Variants in ZNF337 observed in about 807,000 individuals in gnomAD.
ZNF337 encodes zinc finger protein 337.
Under a neutral mutation model 12.1 loss-of-function variants are expected in ZNF337, and 8 were observed. The observed-to-expected ratio is 0.66, with a 90% CI of 0.39 to 1.19. The LOEUF is 1.19. Ranked by LOEUF, ZNF337 falls within the 50% of genes most tolerant of loss-of-function variation. ZNF337 has a pLI of 0.01. For missense variants in ZNF337, 882 were observed against 896.6 expected, an observed-to-expected ratio of 0.98 and a Z score of 0.21; for synonymous variants, 336 against 320.0, an observed-to-expected ratio of 1.05 and a Z score of -0.53.
chr20:25,691,834 TACC>T (rs1461147208), intron 1 of ZNF337, among the ~76,000 whole-genome samples: 1 of 152,220 alleles, frequency 6.6e-6, no homozygotes, highest in Non-Finnish European at 1.5e-5. Context: ...TTTTCTAAAT[TACC>T]AGTTATGGTG....
rs77438555 is a variant in ZNF337 at position 25,673,820 on chromosome 20, C to G, written c.*1212G>C. 6.6e-6 allele frequency: 1 copy of G among 152,148 alleles called. No homozygotes were observed. Among genetic ancestry groups the G allele is most frequent in the African/African-American group, 2.4e-5 (1 of 41,438 alleles). The allele number at this position is 152,148 out of a possible 1,614,324, so 9.4% of individuals were successfully genotyped here. On this transcript the variant is annotated 3_prime_UTR_variant, in exon 5 of 5. Transcript: ENST00000252979. Reference sequence around the variant, plus strand: ...TCCTTCTGCAGGTGGTAATGCAGATCGGCGATAATCAGTCTACTCTGCTCT... The same window carrying G: ...TCCTTCTGCAGGTGGTAATGCAGATGGGCGATAATCAGTCTACTCTGCTCT...
intron 1 of ZNF337, among the ~76,000 whole-genome samples, chr20:25,692,927 C>G (rs1185744961): frequency 6.6e-6 from 1 of 152,178 alleles, no homozygotes; most frequent in African/African-American, 2.4e-5. Context: ...TCACTATATA[C>G]ATTTCTCAAA....
chr20:25,693,132 AG>A (rs1311206321), intron 1 of ZNF337, among the ~76,000 whole-genome samples: 8 of 152,200 alleles, frequency 5.3e-5, no homozygotes, highest in African/African-American at 1.9e-4. Flanking sequence ...GCTGTAGTGC[AG>A]TGGCATGTTC....
intron 1 of ZNF337, 87 bp downstream of exon 1, chr20:25,696,672 G>T: frequency 2.2e-6 from 2 of 899,440 alleles, no homozygotes; most frequent in Non-Finnish European, 2.7e-6. Context: ...GGCCCCAGCA[G>T]CGCCCTCACG....
chr20:25,681,266 GT>G (rs1005510810), intron 4 of ZNF337: 2 of 152,098 alleles, frequency 1.3e-5, no homozygotes, highest in African/African-American at 2.4e-5. Context: ...ATGATATTTC[GT>G]CATTTCTACG....
intron 4 of ZNF337, among the ~76,000 whole-genome samples, chr20:25,683,746 C>T (rs1405134984): frequency 6.6e-6 from 1 of 152,152 alleles, no homozygotes; most frequent in Non-Finnish European, 1.5e-5. Context: ...CACTTTTACA[C>T]TGTTGGTGGG....
Position 25,694,502 on chromosome 20 carries a change from T to C in ZNF337, c.-50+2257A>G, listed in dbSNP as rs556809529. On this transcript the variant is annotated intron_variant, in intron 1 of 4. Transcript: ENST00000252979. ...GGTTCTGCTGACAATTTTTCCATAA[T>C]GAAATGATTAAAATCAGTTATTTGG... 3.9e-5 allele frequency among the ~76,000 whole-genome samples: 6 copies of C among 152,236 alleles called. No homozygotes were observed. The South Asian group carries it at 1.0e-3, about 26-fold the overall frequency.
rs150993324 is a variant in ZNF337 at position 25,676,458 on chromosome 20, G to C, written c.830C>G (p.Ser277Ter). 6.2e-7 allele frequency: 1 copy of C among 1,613,784 alleles called. No individual in the cohort carries two copies. Among genetic ancestry groups the C allele is most frequent in the Non-Finnish European group, 8.5e-7 (1 of 1,179,964 alleles). ...KVCGRGYTSK[S>*]YLTVHERTHT... ...TGTTCTCTCATGCACAGTGAGGTAT[G>C]ACTTACTGGTATAGCCTCGTCCACA... is the stretch of plus-strand genomic sequence containing the variant. The change falls in exon 5 of 5, where the codon TCA (serine) becomes TGA (stop). Residue 277 changes from serine (S) to a stop codon, truncating the protein, a stop_gained. Coordinates refer to ENST00000252979, the MANE Select transcript of ZNF337 (RefSeq NM_015655.4). LOFTEE classifies it low-confidence loss of function (END_TRUNC).
chr20:25,695,337 T>C (rs112299642), intron 1 of ZNF337, among the ~76,000 whole-genome samples: 3,474 of 152,006 alleles, frequency 0.023, 122 homozygotes, highest in African/African-American at 0.079. Context: ...ATTCTGAGAG[T>C]TGCCAACTAA....
Position 25,686,081 on chromosome 20 carries a change from C to G in ZNF337, c.69G>C (p.Gln23His), listed in dbSNP as rs767266840. 6.2e-7 allele frequency: 1 copy of G among 1,613,962 alleles called. No individual in the cohort carries two copies. Among genetic ancestry groups the G allele is most frequent in the African/African-American group, 1.3e-5 (1 of 74,932 alleles). The change falls in exon 3 of 5, where the codon CAG (glutamine) becomes CAC (histidine). Residue 23 changes from glutamine (Q) to histidine (H), a missense_variant. Physicochemically the swap from Gln to His is conservative, Grantham distance 24 (BLOSUM62 0). Coordinates refer to ENST00000252979, the MANE Select transcript of ZNF337 (RefSeq NM_015655.4). ...AFGDVTVDFT[Q>H]KEWRLLSPAQ... Reference sequence around the variant, plus strand: ...CAGGGCTCAGCAGCCTCCATTCCTTCTGGGTGAAATCCACAGTGACATCCC... The same window carrying G: ...CAGGGCTCAGCAGCCTCCATTCCTTGTGGGTGAAATCCACAGTGACATCCC...
At chr20:25,683,375 G>A (rs1284521566) in intron 4 of ZNF337, among the ~76,000 whole-genome samples, 1 of 152,126 alleles carries the variant, frequency 6.6e-6, no homozygotes, top group South Asian at 2.1e-4. Context: ...GGGGGAAGGA[G>A]GAAGGTGAAG....
In ZNF337 at chr20:25,696,843, G is replaced by C. The variant is rs565610662; in HGVS notation, c.-134C>G. On this transcript the variant is annotated 5_prime_UTR_variant, in exon 1 of 5. Transcript: ENST00000252979. ...CGGCTCGCTGACGCCCAGGGATCTGGAACGCTCTGCGCCGCCCGGGACTAC... is the reference window on the plus strand; with the variant it reads ...CGGCTCGCTGACGCCCAGGGATCTGCAACGCTCTGCGCCGCCCGGGACTAC... The C allele has an allele frequency of 4.1e-6, 4 of 984,954 alleles. No individual in the cohort carries two copies. The East Asian group carries it at 3.4e-4, about 84-fold the overall frequency. The allele number at this position is 984,954 out of a possible 1,614,324, so 61.0% of individuals were successfully genotyped here.
At chr20:25,696,707 C>T (rs913660673) in intron 1 of ZNF337, 52 bp downstream of exon 1, 13 of 981,388 alleles carry the variant, frequency 1.3e-5, no homozygotes, top group Non-Finnish European at 1.3e-5. Flanking sequence ...GGCCCTTCTT[C>T]CTGCGCCGGA....
intron 4 of ZNF337, chr20:25,678,006 A>G (rs1355311958): frequency 6.6e-6 from 1 of 151,358 alleles, no homozygotes; most frequent in East Asian, 1.9e-4. Context: ...TACTTTCACC[A>G]CTCTTATTAC....
At chr20:25,677,200 G>GC in intron 4 of ZNF337, 163 bp from the exon 5 acceptor site, 2 of 648,298 alleles carry the variant, frequency 3.1e-6, no homozygotes, top group Non-Finnish European at 5.1e-6. Context: ...GCAGGGCAGG[G>GC]AGGAATTCTT....
chr20:25,689,771 G>A (rs996802254), intron 1 of ZNF337, among the ~76,000 whole-genome samples: 2 of 152,210 alleles, frequency 1.3e-5, no homozygotes, highest in South Asian at 2.1e-4. Context: ...AAATCTGGAT[G>A]AAGGCAACAT....
intron 1 of ZNF337, among the ~76,000 whole-genome samples, chr20:25,696,242 C>T (rs1446565189): frequency 5.9e-5 from 9 of 152,118 alleles, no homozygotes; most frequent in Non-Finnish European, 1.2e-4. Context: ...AAGTCCTCCC[C>T]TGTCCCGCCT....
intron 4 of ZNF337, among the ~76,000 whole-genome samples, chr20:25,680,489 CTTT>C (rs1234851591): frequency 6.6e-6 from 1 of 151,828 alleles, no homozygotes; most frequent in East Asian, 1.9e-4. Flanking sequence ...AAAGAATTAT[CTTT>C]TTTAATACAT....
chr20:25,688,729 C>A (rs979653239), intron 1 of ZNF337, among the ~76,000 whole-genome samples: 1 of 152,180 alleles, frequency 6.6e-6, no homozygotes, highest in Admixed American at 6.5e-5. Context: ...ACGTTGGAAC[C>A]CAAACCACTC....
Sources: gnomAD v4.1 joint callset for allele counts (sites outside exome capture counted in the v4.1 genomes callset) on GRCh38, gnomAD v4.1.1 for gene constraint, MANE v1.5 for transcripts, NCBI Gene and HGNC (gene_info 2026-07-23, HGNC 2026-07-21) for gene names.